The following ZXDC variants were observed in gnomAD, a reference collection of about 807,000 sequenced individuals.
ZXDC encodes the protein zinc finger protein ZXDC.
ZXDC carries 58 observed loss-of-function variants against 63.6 expected under a neutral mutation model. The ratio of observed to expected loss-of-function variants is 0.91; its 90% confidence interval spans 0.74 to 1.13. The LOEUF is 1.13. Among genes scored for constraint, ZXDC ranks in the 50% most tolerant of loss-of-function variants. ZXDC has a pLI of 0.00. For missense variants in ZXDC, 1,133 were observed against 1,148.9 expected, an observed-to-expected ratio of 0.99 and a Z score of 0.20; for synonymous variants, 561 against 496.1, an observed-to-expected ratio of 1.13 and a Z score of -1.74.
chr3:126,455,957 G>A (rs548342518), intron 7 of ZXDC, among the ~76,000 whole-genome samples: 13 of 151,752 alleles, frequency 8.6e-5, no homozygotes, highest in Non-Finnish European at 1.6e-4. Context: ...CCGAGATCGC[G>A]CCACTGCTCT....
At chr3:126,444,483 G>A (rs1034860331) in intron 7 of ZXDC, among the ~76,000 whole-genome samples, 8 of 151,554 alleles carry the variant, frequency 5.3e-5, no homozygotes, top group African/African-American at 1.9e-4. Flanking sequence ...AGTGAGCCGA[G>A]ATCATGCCAC....
chr3:126,471,270 A>G (rs1934969423), intron 3 of ZXDC, among the ~76,000 whole-genome samples: 1 of 152,212 alleles, frequency 6.6e-6, no homozygotes, highest in Admixed American at 6.5e-5. Context: ...TGCTACTTCA[A>G]TCTAATATAA....
chr3:126,452,359 T>C (rs1390720981), intron 7 of ZXDC: 1 of 985,308 alleles, frequency 1.0e-6, no homozygotes, highest in Admixed American at 6.2e-5. Flanking sequence ...GAGGCTTCTC[T>C]TTCCTTCATC....
intron 7 of ZXDC, among the ~76,000 whole-genome samples, chr3:126,448,859 C>T (rs1212792636): frequency 6.6e-6 from 1 of 152,252 alleles, no homozygotes; most frequent in Admixed American, 6.5e-5. Context: ...CACTGCCAAA[C>T]CTGGCTGGAA....
intron 6 of ZXDC, chr3:126,461,245 A>G (rs3230): frequency 0.45 from 530,583 of 1,169,316 alleles, 124,313 homozygotes; most frequent in Non-Finnish European, 0.48. Flanking sequence ...AAAACCCCCA[A>G]TCTTCAAGGA....
chr3:126,465,124 G>A (rs1320722736), intron 5 of ZXDC, among the ~76,000 whole-genome samples: 1 of 152,220 alleles, frequency 6.6e-6, no homozygotes, highest in Non-Finnish European at 1.5e-5. Flanking sequence ...CAGGAGACGT[G>A]AGGACCCAGT....
chr3:126,450,575 T>TG (rs1463595523), intron 7 of ZXDC: 1 of 456,344 alleles, frequency 2.2e-6, no homozygotes, highest in Non-Finnish European at 4.4e-6. Flanking sequence ...GAGGAATAAA[T>TG]GGGGGTGCAC....
intron 4 of ZXDC, 95 bp from the exon 5 acceptor site, chr3:126,466,420 G>A: frequency 2.1e-6 from 3 of 1,409,276 alleles, no homozygotes; most frequent in Non-Finnish European, 2.9e-6. Context: ...CACCAGACCT[G>A]CATTTTGCAC....
intron 7 of ZXDC, chr3:126,442,201 G>A (rs531997484): frequency 9.9e-5 from 30 of 301,738 alleles, no homozygotes; most frequent in African/African-American, 5.2e-4. Flanking sequence ...CAGACGGTAC[G>A]GTAATCAGAC....
In ZXDC at chr3:126,472,173, A is replaced by G; in HGVS notation, c.1040T>C (p.Ile347Thr). 6.2e-7 allele frequency: 1 copy of G among 1,610,030 alleles called. No individual in the cohort carries two copies. The highest frequency in any genetic ancestry group is 8.5e-7 in the Non-Finnish European group (1 of 1,176,458). ...KQYDKACRLK[I>T]HLRSHTGERP... ...ATTACCTGTATGGCTCCGCAGGTGA[A>G]TTTTCAGCCGACAGGCTTTATCATA... Residue 347 changes from isoleucine (I) to threonine (T), a missense_variant, in exon 2 of 10, where the codon ATT becomes ACT. Physicochemically the swap from Ile to Thr is moderately conservative, Grantham distance 89. Coordinates refer to ENST00000389709, the MANE Select transcript of ZXDC (RefSeq NM_025112.5).
chr3:126,447,240 G>T (rs894311867), intron 7 of ZXDC, among the ~76,000 whole-genome samples: 2 of 152,162 alleles, frequency 1.3e-5, no homozygotes, highest in African/African-American at 4.8e-5. Context: ...CAAGAATTGG[G>T]CATCTCTAGC....
At chr3:126,447,669 T>A (rs775850868) in intron 7 of ZXDC, among the ~76,000 whole-genome samples, 3 of 152,214 alleles carry the variant, frequency 2.0e-5, no homozygotes, top group Non-Finnish European at 4.4e-5. Context: ...TGCTCTCTAG[T>A]ATTAGGGAAA....
intron 7 of ZXDC, chr3:126,457,537 C>G (rs1006834890): frequency 1.3e-5 from 13 of 985,276 alleles, no homozygotes; most frequent in Non-Finnish European, 1.3e-5. Flanking sequence ...TAGCAGGTAC[C>G]AGGTTTCCAT....
chr3:126,444,170 G>T (rs944739720), intron 7 of ZXDC, among the ~76,000 whole-genome samples: 1 of 152,282 alleles, frequency 6.6e-6, no homozygotes, highest in African/African-American at 2.4e-5. Context: ...GTCGCATTAC[G>T]CTTGCTTTCT....
chr3:126,450,680 G>A, intron 7 of ZXDC: 1 of 359,992 alleles, frequency 2.8e-6, no homozygotes, highest in Non-Finnish European at 5.5e-6. Flanking sequence ...CTTTCATCAT[G>A]GCAGCAACAG....
At chr3:126,454,110 A>T in intron 7 of ZXDC, 1 of 946,524 alleles carries the variant, frequency 1.1e-6, no homozygotes, top group Non-Finnish European at 1.3e-6. Flanking sequence ...CTGATGCCCT[A>T]ATTTGTTCCA....
At position 126,444,404 on chromosome 3, in the gene ZXDC, T is replaced by C. The variant is rs183138798; in HGVS notation, c.2213-2458A>G. Among the ~76,000 whole-genome samples the C allele has an allele frequency of 7.8e-3, 1,192 of 151,848 alleles. 6 individuals carry two copies. Among genetic ancestry groups the C allele is most frequent in the African/African-American group, 0.024 (973 of 41,394 alleles). ...AAAATTAGCCAGTGGTGGTGGCGGG[T>C]GCCTGTAGTCCCAGCTACTCGGGAG... On this transcript the variant is annotated intron_variant, in intron 7 of 9. Transcript: ENST00000389709.
At chr3:126,466,942 G>A (rs1934793313) in intron 4 of ZXDC, among the ~76,000 whole-genome samples, 1 of 152,104 alleles carries the variant, frequency 6.6e-6, no homozygotes, top group African/African-American at 2.4e-5. Flanking sequence ...CCTCCCCTCC[G>A]TGCCCTGGCT....
intron 7 of ZXDC, chr3:126,450,626 G>C (rs781429373): frequency 9.2e-6 from 4 of 435,708 alleles, no homozygotes; most frequent in South Asian, 6.4e-5. Context: ...GCCCCTACCC[G>C]CATCTCCCTT....
Sources: allele counts gnomAD v4.1 joint callset (sites outside exome capture counted in the v4.1 genomes callset), GRCh38; gene constraint gnomAD v4.1.1; transcripts MANE v1.5; gene names NCBI Gene and HGNC (gene_info 2026-07-23, HGNC 2026-07-21).